The following NAPB variants were observed in gnomAD, a reference collection of about 807,000 sequenced individuals.
NAPB encodes beta-soluble NSF attachment protein.
Under a neutral mutation model 44.7 loss-of-function variants are expected in NAPB, and 26 were observed. That is an observed-to-expected ratio of 0.58 (90% CI 0.43 to 0.81). The LOEUF is 0.81. NAPB is among the 30% of genes least tolerant of loss of function. The pLI is 0.00. For missense variants in NAPB, 315 were observed against 356.4 expected (o/e 0.88, Z 0.94); for synonymous variants, 120 against 116.8 (o/e 1.03, Z -0.18).
At chr20:23,404,704 T>C (rs909513730) in intron 1 of NAPB, among the ~76,000 whole-genome samples, 4 of 152,248 alleles carry the variant, frequency 2.6e-5, no homozygotes, top group African/African-American at 9.6e-5. Flanking sequence ...TAGATCCATG[T>C]ATGGAAGGCA....
intron 9 of NAPB, 50 bp from the exon 10 acceptor site, chr20:23,379,545 A>G: frequency 7.5e-7 from 1 of 1,336,532 alleles, no homozygotes; most frequent in Non-Finnish European, 1.1e-6. Context: ...ATGAAGTCCC[A>G]TTTCTAAATA....
intron 1 of NAPB, among the ~76,000 whole-genome samples, chr20:23,417,730 A>G (rs1986105086): frequency 6.6e-6 from 1 of 152,154 alleles, no homozygotes; most frequent in African/African-American, 2.4e-5. Flanking sequence ...CGGGCAATTA[A>G]GCAGAAACAC....
intron 10 of NAPB, 103 bp from the exon 11 acceptor site, chr20:23,377,589 TAAC>T: frequency 9.7e-6 from 5 of 513,356 alleles, no homozygotes; most frequent in Non-Finnish European, 1.6e-5. Flanking sequence ...CATAATCTAC[TAAC>T]TTTCTTCATC....
Position 23,377,388 on chromosome 20 carries a change from T to C in NAPB, c.885A>G (p.Gly295=). The C allele has an allele frequency of 6.3e-7, 1 of 1,591,408 alleles. No individual in the cohort carries two copies. The highest frequency in any genetic ancestry group is 8.6e-7 in the Non-Finnish European group (1 of 1,164,222). Residue 295 remains glycine (G), a synonymous_variant, in exon 11 of 11, where the codon GGA becomes GGG. Transcript: ENST00000377026. Reference sequence around the variant, plus strand: ...AGACAAAAACATTTCATTTTAGGTCTCCATCTCCTTCTCCATCCCCTTGGA... The same window carrying C: ...AGACAAAAACATTTCATTTTAGGTCCCCATCTCCTTCTCCATCCCCTTGGA... ...KSIQGDGEGD[G]DLK is the part of the protein sequence containing the mutation.
Position 23,381,314 on chromosome 20 carries a change from C to A in NAPB, c.565G>T (p.Gly189Trp). 1 of 1,569,152 alleles carries A rather than the reference C, an allele frequency of 6.4e-7. No homozygotes were observed. Among genetic ancestry groups the A allele is most frequent in the Admixed American group, 1.9e-5 (1 of 53,416 alleles). The change falls in exon 8 of 11, where the codon GGG (glycine) becomes TGG (tryptophan). Residue 189 changes from glycine to tryptophan, a missense_variant. This residue lies in a region of NAPB where 120 missense variants were observed against 130.5 expected (regional missense o/e 0.92). Transcript: ENST00000377026. ...AAAGGATTATCCATTGTGTTTGCCC[C>A]AACCTAGGCACAGAACGCAGAGTTA... is the stretch of plus-strand genomic sequence containing the variant. The part of the protein sequence containing the change: ...QKAIEIYEQV[G>W]ANTMDNPLLK...
Position 23,381,330 on chromosome 20 carries a change from C to T in NAPB, c.562-13G>A, listed in dbSNP as rs374048837. On this transcript the variant is annotated splice_polypyrimidine_tract_variant and intron_variant, in intron 7 of 10. Transcript: ENST00000377026. ...TGTTTGCCCCAACCTAGGCACAGAA[C>T]GCAGAGTTAAATTTAAAAGATTTAC... The T allele has an allele frequency of 4.8e-5, 73 of 1,512,202 alleles. No homozygotes were observed. Among genetic ancestry groups the T allele is most frequent in the South Asian group, 1.4e-4 (11 of 78,952 alleles). The allele number at this position is 1,512,202 out of a possible 1,614,324, so 93.7% of individuals were successfully genotyped here.
chr20:23,376,224 G>T lies in NAPB; in HGVS notation c.*1152C>A, dbSNP rs923731221. 2.0e-5 allele frequency: 3 copies of T among 152,138 alleles called. No individual in the cohort carries two copies. In the East Asian group the frequency reaches 5.8e-4, roughly 29 times the overall value. 9.4% of individuals were successfully genotyped at this position (152,138 alleles called of 1,614,324 possible). ...TACAATATCAGCATATAAATTAATA[G>T]GATCAAGTTCATGAATCAAGATAGC... On this transcript the variant is annotated 3_prime_UTR_variant, in exon 11 of 11. Transcript: ENST00000377026.
At chr20:23,405,164 G>A (rs1985145266) in intron 1 of NAPB, among the ~76,000 whole-genome samples, 1 of 152,104 alleles carries the variant, frequency 6.6e-6, no homozygotes, top group Non-Finnish European at 1.5e-5. Context: ...CAATTAGCCA[G>A]TGTGGTGGCA....
intron 2 of NAPB, among the ~76,000 whole-genome samples, chr20:23,397,446 T>C (rs1376296316): frequency 6.6e-6 from 1 of 152,242 alleles, no homozygotes; most frequent in African/African-American, 2.4e-5. Context: ...CACTATTCCC[T>C]GATCTGTCCA....
At chr20:23,384,895 G>A (rs1983352589) in intron 7 of NAPB, among the ~76,000 whole-genome samples, 1 of 152,074 alleles carries the variant, frequency 6.6e-6, no homozygotes, top group Non-Finnish European at 1.5e-5. Flanking sequence ...CAAGGCGGGT[G>A]TATCACCGAG....
intron 1 of NAPB, among the ~76,000 whole-genome samples, chr20:23,407,806 G>A (rs1481982878): frequency 1.3e-5 from 2 of 152,164 alleles, no homozygotes; most frequent in Non-Finnish European, 1.5e-5. Flanking sequence ...GTCCCACCAG[G>A]AGCCAGTGAA....
intron 2 of NAPB, among the ~76,000 whole-genome samples, chr20:23,402,533 A>C (rs1984929785): frequency 1.3e-5 from 2 of 152,302 alleles, no homozygotes; most frequent in African/African-American, 4.8e-5. Context: ...TCTCAGTGGA[A>C]TCACAATCAG....
intron 1 of NAPB, among the ~76,000 whole-genome samples, chr20:23,415,018 C>T (rs910233717): frequency 2.0e-5 from 3 of 152,052 alleles, no homozygotes; most frequent in Admixed American, 2.0e-4. Flanking sequence ...TTTAAATATG[C>T]TGTTTATATA....
chr20:23,384,400 A>G (rs1983303270), intron 7 of NAPB, among the ~76,000 whole-genome samples: 2 of 152,076 alleles, frequency 1.3e-5, no homozygotes, highest in South Asian at 2.1e-4. Context: ...CATCGCTACA[A>G]AAAGACTTGA....
chr20:23,389,251 A>AC (rs1983767912), intron 7 of NAPB, among the ~76,000 whole-genome samples: 1 of 150,896 alleles, frequency 6.6e-6, no homozygotes, highest in South Asian at 2.1e-4. Flanking sequence ...AAAAAAAAAA[A>AC]ACCAAAACAA....
intron 5 of NAPB, among the ~76,000 whole-genome samples, chr20:23,394,562 A>G (rs1396151588): frequency 1.3e-5 from 2 of 152,216 alleles, no homozygotes; most frequent in African/African-American, 4.8e-5. Context: ...AGATACTTAA[A>G]GCTGTGATGC....
chr20:23,416,762 T>C (rs1455379074), intron 1 of NAPB, among the ~76,000 whole-genome samples: 1 of 152,192 alleles, frequency 6.6e-6, no homozygotes, highest in Non-Finnish European at 1.5e-5. Flanking sequence ...GAATTGTAAC[T>C]GAGGAAAACC....
intron 10 of NAPB, chr20:23,379,149 C>A: frequency 7.3e-6 from 2 of 275,270 alleles, no homozygotes; most frequent in Non-Finnish European, 1.4e-5. Context: ...ATTTATGGGT[C>A]AGATTATTTT....
intron 1 of NAPB, among the ~76,000 whole-genome samples, chr20:23,405,341 G>C (rs1171882037): frequency 6.6e-6 from 1 of 151,776 alleles, no homozygotes; most frequent in African/African-American, 2.4e-5. Context: ...GAAAGAAAGA[G>C]AATGAAAGAG....
Sources: gnomAD v4.1 joint callset for allele counts (sites outside exome capture counted in the v4.1 genomes callset) on GRCh38, gnomAD v4.1.1 for gene constraint, gnomAD v4.1.1 regional missense constraint, MANE v1.5 for transcripts, NCBI Gene and HGNC (gene_info 2026-07-23, HGNC 2026-07-21) for gene names.